Variants in REC114 observed in about 807,000 individuals in gnomAD.
REC114 encodes the protein meiotic recombination protein REC114.
Under a neutral mutation model 31.3 loss-of-function variants are expected in REC114, and 27 were observed. The ratio of observed to expected loss-of-function variants is 0.86; its 90% confidence interval spans 0.64 to 1.19. REC114 has a LOEUF of 1.19. Among genes scored for constraint, REC114 ranks in the 50% most tolerant of loss-of-function variants. REC114 has a pLI of 0.00. For synonymous variants in REC114, 134 were observed against 127.7 expected, an observed-to-expected ratio of 1.05 and a Z score of -0.33; for missense variants, 344 against 326.9, an observed-to-expected ratio of 1.05 and a Z score of -0.40.
chr15:73,447,558 G>A lies in REC114; in HGVS notation c.159+4214G>A, dbSNP rs145193124. On this transcript the variant is annotated intron_variant, in intron 1 of 5. Coordinates refer to ENST00000331090, the MANE Select transcript of REC114 (RefSeq NM_001042367.2). ...GGCTACTTGGGAGGCTGAGGCAGGA[G>A]AATCCCTTGAGCCTAGGAGACAGAG... Among the ~76,000 whole-genome samples, 59 of 152,084 alleles carry A rather than the reference G, an allele frequency of 3.9e-4. No homozygotes were observed. The East Asian group carries it at 0.011, about 28-fold the overall frequency.
intron 1 of REC114, among the ~76,000 whole-genome samples, chr15:73,460,034 C>T (rs1010916047): frequency 6.6e-6 from 1 of 152,042 alleles, no homozygotes; most frequent in African/African-American, 2.4e-5. Flanking sequence ...TGAGGAAGAA[C>T]CTTATAACTG....
intron 2 of REC114, among the ~76,000 whole-genome samples, chr15:73,538,735 G>A (rs975484381): frequency 6.6e-6 from 1 of 151,938 alleles, no homozygotes. Flanking sequence ...AATTACAGGC[G>A]TGAGCCACCG....
At chr15:73,507,386 A>G (rs1312391460) in intron 2 of REC114, among the ~76,000 whole-genome samples, 1 of 152,038 alleles carries the variant, frequency 6.6e-6, no homozygotes, top group Admixed American at 6.5e-5. Flanking sequence ...CTCATCAGCT[A>G]TCGTTAATGT....
At chr15:73,457,625 TA>T (rs34940511) in intron 1 of REC114, among the ~76,000 whole-genome samples, 17,527 of 152,182 alleles carry the variant, frequency 0.12, 1,302 homozygotes, top group African/African-American at 0.21. Flanking sequence ...TCTCAGGAAT[TA>T]ACATCCTTTA....
In REC114 at chr15:73,550,996, A is replaced by G. The variant is rs761641493; in HGVS notation, c.392A>G (p.Glu131Gly). Residue 131 changes from glutamate (E) to glycine (G), a missense_variant, in exon 4 of 6, where the codon GAA becomes GGA. Coordinates refer to ENST00000331090, the MANE Select transcript of REC114 (RefSeq NM_001042367.2). ...GGAGAGTCAAAGGAGCAGGCGCTGG[A>G]ACACTGCTGCAGTTGTGTTCAGAAG... ...FSGESKEQAL[E>G]HCCSCVQKLA... is the part of the protein sequence containing the mutation. 3.7e-6 allele frequency: 6 copies of G among 1,613,922 alleles called. No homozygotes were observed. In the Admixed American group the frequency reaches 1.0e-4, roughly 27 times the overall value.
At chr15:73,454,935 T>A (rs1892896631) in intron 1 of REC114, among the ~76,000 whole-genome samples, 1 of 152,228 alleles carries the variant, frequency 6.6e-6, no homozygotes, top group Non-Finnish European at 1.5e-5. Flanking sequence ...CTCTTCATAA[T>A]TGCTTATAAG....
At chr15:73,502,496 ATAAAT>A (rs920254336) in intron 2 of REC114, among the ~76,000 whole-genome samples, 8 of 152,338 alleles carry the variant, frequency 5.3e-5, no homozygotes, top group Admixed American at 1.3e-4. Context: ...TATTCTTATG[ATAAAT>A]TAAGATAGAG....
intron 2 of REC114, among the ~76,000 whole-genome samples, chr15:73,513,254 G>A (rs1412970544): frequency 4.0e-5 from 6 of 151,768 alleles, no homozygotes; most frequent in African/African-American, 9.7e-5. Flanking sequence ...TGAGGCTTCT[G>A]CATTCTTCAC....
chr15:73,540,662 T>G (rs1595881250), intron 3 of REC114, 94 bp downstream of exon 3: 1 of 1,037,076 alleles, frequency 9.6e-7, no homozygotes, highest in East Asian at 2.4e-5. Flanking sequence ...TGACGGGTAC[T>G]GGGAAGAATA....
chr15:73,490,909 C>T (rs1229419119), intron 2 of REC114, among the ~76,000 whole-genome samples: 1 of 152,112 alleles, frequency 6.6e-6, no homozygotes, highest in African/African-American at 2.4e-5. Flanking sequence ...TTTGCTTTTG[C>T]TGGAAATTGA....
intron 2 of REC114, among the ~76,000 whole-genome samples, chr15:73,507,806 C>T (rs1035915972): frequency 2.6e-5 from 4 of 152,066 alleles, no homozygotes; most frequent in African/African-American, 9.7e-5. Flanking sequence ...AATAAGTAAG[C>T]AAATGAACAA....
At position 73,514,117 on chromosome 15, in the gene REC114, C is replaced by T. The variant is rs576611688; in HGVS notation, c.250-26368C>T. On this transcript the variant is annotated intron_variant, in intron 2 of 5. Coordinates refer to ENST00000331090, the MANE Select transcript of REC114 (RefSeq NM_001042367.2). ...GCGAGACTCCGTGGGGTAGGACCCT[C>T]CGAGCCAGGTGTGGGATATAGTCTC... Among the ~76,000 whole-genome samples, 7 of 152,240 alleles carry T rather than the reference C, an allele frequency of 4.6e-5. No homozygotes were observed. In the East Asian group the frequency reaches 1.2e-3, roughly 25 times the overall value.
chr15:73,538,455 CTT>C (rs34642401), intron 2 of REC114, among the ~76,000 whole-genome samples: 12,259 of 123,770 alleles, frequency 0.099, 499 homozygotes, highest in African/African-American at 0.17. Flanking sequence ...AATTCTATTT[CTT>C]TTTTTTTTTT....
chr15:73,534,301 AAAG>A (rs1406300347), intron 2 of REC114, among the ~76,000 whole-genome samples: 2 of 152,218 alleles, frequency 1.3e-5, no homozygotes, highest in African/African-American at 4.8e-5. Context: ...ACTAATAAAA[AAAG>A]AGAGAAGAAT....
At chr15:73,449,067 C>CA (rs1892806959) in intron 1 of REC114, among the ~76,000 whole-genome samples, 1 of 152,014 alleles carries the variant, frequency 6.6e-6, no homozygotes, top group African/African-American at 2.4e-5. Context: ...CTGAAAATTC[C>CA]AAAAACCAGA....
At chr15:73,481,845 G>C (rs997277994) in intron 2 of REC114, among the ~76,000 whole-genome samples, 1 of 151,802 alleles carries the variant, frequency 6.6e-6, no homozygotes, top group Non-Finnish European at 1.5e-5. Flanking sequence ...ATTTTTAGTA[G>C]AGATGGGGTT....
At chr15:73,444,462 ACTTT>A (rs1198110162) in intron 1 of REC114, among the ~76,000 whole-genome samples, 1 of 152,214 alleles carries the variant, frequency 6.6e-6, no homozygotes, top group South Asian at 2.1e-4. Context: ...TTAGGAAACC[ACTTT>A]CTTTGCTCAT....
chr15:73,558,912 G>A (rs72741473), intron 5 of REC114, among the ~76,000 whole-genome samples: 2,546 of 152,218 alleles, frequency 0.017, 40 homozygotes, highest in Non-Finnish European at 0.024. Flanking sequence ...TCCTTCAACT[G>A]GAGCACAGAT....
chr15:73,514,238 C>T (rs1355556243), intron 2 of REC114, among the ~76,000 whole-genome samples: 35 of 151,124 alleles, frequency 2.3e-4, no homozygotes, highest in Non-Finnish European at 3.7e-4. Context: ...TTCTTTGACT[C>T]GGAAAGGGAA....
Sources: gnomAD v4.1 joint callset for allele counts (sites outside exome capture counted in the v4.1 genomes callset) on GRCh38, gnomAD v4.1.1 for gene constraint, MANE v1.5 for transcripts, NCBI Gene and HGNC (gene_info 2026-07-23, HGNC 2026-07-21) for gene names.